EDIL3: variants seen among roughly 807,000 people sequenced by gnomAD.
EDIL3 encodes the protein EGF like and discoidin domains 3.
Under a neutral mutation model 67.4 loss-of-function variants are expected in EDIL3, and 37 were observed. The observed-to-expected ratio is 0.55, with a 90% CI of 0.42 to 0.72. The LOEUF (loss-of-function observed/expected upper bound fraction) is 0.72, where lower values mean the gene tolerates loss of function less well. EDIL3 is among the 30% of genes least tolerant of loss of function. EDIL3 has a pLI of 0.00. For synonymous variants in EDIL3, 195 were observed against 196.3 expected (o/e 0.99, Z 0.05); for missense variants, 527 against 586.3 (o/e 0.90, Z 1.04).
intron 4 of EDIL3, among the ~76,000 whole-genome samples, chr5:84,156,113 T>C (rs940383157): frequency 6.6e-6 from 1 of 152,216 alleles, no homozygotes; most frequent in South Asian, 2.1e-4. Context: ...TTATTCAGTG[T>C]TGTCAATTTC....
chr5:84,190,048 T>C (rs920846096), intron 3 of EDIL3, among the ~76,000 whole-genome samples: 1 of 152,018 alleles, frequency 6.6e-6, no homozygotes, highest in Non-Finnish European at 1.5e-5. Context: ...CCTTGAAATC[T>C]TTGGCCAGTG....
At chr5:84,087,108 T>C (rs1207227858) in intron 6 of EDIL3, among the ~76,000 whole-genome samples, 1 of 152,234 alleles carries the variant, frequency 6.6e-6, no homozygotes, top group Non-Finnish European at 1.5e-5. Flanking sequence ...TAATAATCTC[T>C]TTAATATGAA....
chr5:84,350,717 G>A (rs1332228564), intron 1 of EDIL3, among the ~76,000 whole-genome samples: 1 of 151,768 alleles, frequency 6.6e-6, no homozygotes, highest in East Asian at 1.9e-4. Context: ...CCTCTAATTT[G>A]AATATTCACC....
intron 9 of EDIL3, among the ~76,000 whole-genome samples, chr5:84,036,498 T>C (rs1279079519): frequency 6.6e-6 from 1 of 152,178 alleles, no homozygotes; most frequent in African/African-American, 2.4e-5. Context: ...AGTGACAAAG[T>C]TGAACCTTTC....
rs199966431 is a variant in EDIL3, at chr5:84,106,642, C to G, written c.651+7G>C. 1 of 1,596,262 alleles carries G rather than the reference C, an allele frequency of 6.3e-7. No homozygotes were observed. On this transcript the variant is annotated splice_region_variant and intron_variant, in intron 6 of 10. Coordinates refer to ENST00000296591, the MANE Select transcript of EDIL3 (RefSeq NM_005711.5). ...TAACATTAACCTTGTCCCATCCCATCTGTTACCTGAATCCACGGCCATCTG... is the reference window on the plus strand; with the variant it reads ...TAACATTAACCTTGTCCCATCCCATGTGTTACCTGAATCCACGGCCATCTG...
chr5:84,357,397 T>G (rs1248252552), intron 1 of EDIL3, among the ~76,000 whole-genome samples: 1 of 152,190 alleles, frequency 6.6e-6, no homozygotes, highest in Non-Finnish European at 1.5e-5. Flanking sequence ...TATGAATATA[T>G]GGACCTGCAT....
At chr5:84,056,011 G>A (rs949775687) in intron 9 of EDIL3, among the ~76,000 whole-genome samples, 4 of 152,094 alleles carry the variant, frequency 2.6e-5, no homozygotes, top group African/African-American at 4.8e-5. Flanking sequence ...ACATGCACAC[G>A]TATGTTTATT....
At chr5:84,363,755 C>G (rs1747667695) in intron 1 of EDIL3, among the ~76,000 whole-genome samples, 1 of 152,052 alleles carries the variant, frequency 6.6e-6, no homozygotes, top group Admixed American at 6.6e-5. Flanking sequence ...AATTTAACTT[C>G]TTGACTGTAT....
At chr5:84,298,987 C>T (rs1746102588) in intron 1 of EDIL3, among the ~76,000 whole-genome samples, 1 of 152,170 alleles carries the variant, frequency 6.6e-6, no homozygotes, top group Non-Finnish European at 1.5e-5. Flanking sequence ...TTACTGACTG[C>T]TCTAACATCT....
intron 1 of EDIL3, among the ~76,000 whole-genome samples, chr5:84,271,339 G>A (rs1254042768): frequency 4.0e-5 from 6 of 151,760 alleles, no homozygotes; most frequent in Admixed American, 2.0e-4. Context: ...GTGTGAACCC[G>A]GGAGGCAGAG....
chr5:83,988,939 A>G (rs1376953705), intron 9 of EDIL3, among the ~76,000 whole-genome samples: 1 of 152,194 alleles, frequency 6.6e-6, no homozygotes, highest in Admixed American at 6.6e-5. Flanking sequence ...CTACTTGTAG[A>G]ATTGCTCAAC....
At chr5:84,053,886 G>A (rs1006983146) in intron 9 of EDIL3, among the ~76,000 whole-genome samples, 2 of 152,148 alleles carry the variant, frequency 1.3e-5, no homozygotes, top group Admixed American at 6.5e-5. Context: ...GGTACAAGGA[G>A]GAGATGGTAC....
At chr5:84,365,643 A>T (rs775083203) in intron 1 of EDIL3, among the ~76,000 whole-genome samples, 8 of 152,192 alleles carry the variant, frequency 5.3e-5, no homozygotes, top group Non-Finnish European at 1.2e-4. Context: ...AAAGTCAGAA[A>T]CATAATAAAA....
Position 83,943,325 on chromosome 5 carries a change from A to C in EDIL3, c.*94T>G, listed in dbSNP as rs1260291203. 9.7e-6 allele frequency: 15 copies of C among 1,542,350 alleles called. No homozygotes were observed. The highest frequency in any genetic ancestry group is 2.1e-5 in the Admixed American group (1 of 47,316). On this transcript the variant is annotated 3_prime_UTR_variant, in exon 11 of 11. Coordinates refer to ENST00000296591, the MANE Select transcript of EDIL3 (RefSeq NM_005711.5). ...AGCACTTTTTCATGAAAAAAAAAAA[A>C]AAACCATTCAGTTTCCTACAGATTT... is the stretch of plus-strand genomic sequence containing the variant.
intron 9 of EDIL3, among the ~76,000 whole-genome samples, chr5:84,030,465 T>C (rs1460553004): frequency 6.6e-6 from 1 of 150,428 alleles, no homozygotes; most frequent in Non-Finnish European, 1.5e-5. Context: ...TCTTGTCTAC[T>C]AAGCAAAGCA....
At chr5:84,140,971 C>T (rs760640354) in intron 4 of EDIL3, among the ~76,000 whole-genome samples, 9 of 152,022 alleles carry the variant, frequency 5.9e-5, no homozygotes, top group Non-Finnish European at 8.8e-5. Context: ...AAACTGACCT[C>T]AATTTGTATA....
intron 7 of EDIL3, among the ~76,000 whole-genome samples, chr5:84,065,838 G>A (rs1052120650): frequency 2.6e-5 from 4 of 151,734 alleles, no homozygotes; most frequent in African/African-American, 4.8e-5. Context: ...TTAATCAGCC[G>A]GGCGCGGTGG....
At chr5:83,956,988 A>G (rs1744527381) in intron 10 of EDIL3, among the ~76,000 whole-genome samples, 1 of 151,822 alleles carries the variant, frequency 6.6e-6, no homozygotes, top group African/African-American at 2.4e-5. Context: ...CAGCCACTGA[A>G]TAAGTAAAAT....
chr5:84,271,074 C>T (rs1745463869), intron 1 of EDIL3, among the ~76,000 whole-genome samples: 1 of 152,264 alleles, frequency 6.6e-6, no homozygotes, highest in Admixed American at 6.5e-5. Context: ...TTTTAAAATT[C>T]ATCTTTTCTG....
Sources: gnomAD v4.1 joint callset for allele counts (sites outside exome capture counted in the v4.1 genomes callset) on GRCh38, gnomAD v4.1.1 for gene constraint, MANE v1.5 for transcripts, NCBI Gene and HGNC (gene_info 2026-07-23, HGNC 2026-07-21) for gene names.